ANO3: variants seen among roughly 807,000 people sequenced by gnomAD.
ANO3 encodes anoctamin-3.
A neutral mutation model predicts 144.8 loss-of-function variants in ANO3; 99 were observed. The observed-to-expected ratio is 0.68, with a 90% CI of 0.58 to 0.81. The LOEUF (loss-of-function observed/expected upper bound fraction) is 0.81, where lower values mean the gene tolerates loss of function less well. Ranked by LOEUF, ANO3 falls within the 30% of genes least tolerant of loss-of-function variation. The probability of loss-of-function intolerance (pLI) is 0.00; values close to 1 mark genes in which losing one functional copy is unlikely to be tolerated. For synonymous variants in ANO3, 414 were observed against 392.6 expected (o/e 1.05, Z -0.64); for missense variants, 905 against 1,202.2 (o/e 0.75, Z 3.66).
chr11:26,572,369 G>C, intron 14 of ANO3: 1 of 426,196 alleles, frequency 2.3e-6, no homozygotes, highest in Non-Finnish European at 3.1e-6. Flanking sequence ...ACTCTCGTCA[G>C]TGGTAGCAAA....
At chr11:26,219,605 A>T (rs1355284032) in intron 1 of ANO3, among the ~76,000 whole-genome samples, 2 of 152,202 alleles carry the variant, frequency 1.3e-5, no homozygotes, top group Non-Finnish European at 2.9e-5. Flanking sequence ...ACCTCATCAA[A>T]GGCACCTAAC....
intron 1 of ANO3, among the ~76,000 whole-genome samples, chr11:26,229,021 T>C (rs1285291981): frequency 6.6e-6 from 1 of 152,228 alleles, no homozygotes; most frequent in Non-Finnish European, 1.5e-5. Context: ...TTCTAAGTAA[T>C]CTGAGCCTAC....
chr11:26,363,023 T>G (rs1855968851), intron 1 of ANO3, among the ~76,000 whole-genome samples: 1 of 152,200 alleles, frequency 6.6e-6, no homozygotes, highest in Non-Finnish European at 1.5e-5. Context: ...TGATGAGATC[T>G]GTTAAATGCA....
At chr11:26,568,248 G>A (rs1412097750) in intron 14 of ANO3, among the ~76,000 whole-genome samples, 1 of 151,952 alleles carries the variant, frequency 6.6e-6, no homozygotes, top group East Asian at 1.9e-4. Flanking sequence ...TAAACAAATG[G>A]TGAAGAAGGG....
At chr11:26,441,533 T>A (rs1327408622) in intron 1 of ANO3, among the ~76,000 whole-genome samples, 1 of 152,172 alleles carries the variant, frequency 6.6e-6, no homozygotes, top group Non-Finnish European at 1.5e-5. Context: ...CCCCATTTAG[T>A]AATTTCAATG....
intron 17 of ANO3, among the ~76,000 whole-genome samples, chr11:26,606,887 GT>G (rs1851951732): frequency 6.6e-6 from 1 of 152,138 alleles, no homozygotes. Context: ...ATTTTGGTGT[GT>G]TTTTGCAGTG....
chr11:26,264,097 G>T (rs1040219646), intron 1 of ANO3, among the ~76,000 whole-genome samples: 2 of 152,162 alleles, frequency 1.3e-5, no homozygotes, highest in Non-Finnish European at 2.9e-5. Flanking sequence ...ACCCAAGGAG[G>T]GGTAGGGCCC....
intron 1 of ANO3, among the ~76,000 whole-genome samples, chr11:26,414,022 C>T (rs955940069): frequency 1.3e-5 from 2 of 152,006 alleles, no homozygotes; most frequent in Admixed American, 6.6e-5. Flanking sequence ...GAATTGGAAT[C>T]GCCCATAACT....
chr11:26,223,816 G>A (rs1026780835), intron 1 of ANO3, among the ~76,000 whole-genome samples: 7 of 151,922 alleles, frequency 4.6e-5, no homozygotes, highest in Middle Eastern at 6.8e-3. Context: ...GTGGAGAGGC[G>A]CCACATTCTT....
intron 1 of ANO3, among the ~76,000 whole-genome samples, chr11:26,400,664 T>C (rs1283663413): frequency 6.6e-6 from 1 of 151,862 alleles, no homozygotes; most frequent in African/African-American, 2.4e-5. Context: ...GTGTGCTAAG[T>C]GTTGAAGATA....
chr11:26,418,716 A>G (rs533674125), intron 1 of ANO3, among the ~76,000 whole-genome samples: 3 of 151,388 alleles, frequency 2.0e-5, no homozygotes, highest in Admixed American at 6.6e-5. Flanking sequence ...GCGCGCGCGC[A>G]CACACACACA....
At chr11:26,190,675 T>G (rs1284779523) in intron 1 of ANO3, among the ~76,000 whole-genome samples, 1 of 152,212 alleles carries the variant, frequency 6.6e-6, no homozygotes, top group Non-Finnish European at 1.5e-5. Flanking sequence ...TGCCGTTAGA[T>G]TCAACTATTG....
intron 4 of ANO3, among the ~76,000 whole-genome samples, chr11:26,465,291 G>GATAA (rs1353567172): frequency 6.6e-6 from 1 of 151,290 alleles, no homozygotes; most frequent in African/African-American, 2.4e-5. Context: ...TAGATAGATA[G>GATAA]ATAGATAGAT....
intron 1 of ANO3, among the ~76,000 whole-genome samples, chr11:26,215,898 T>C (rs1467109824): frequency 2.6e-5 from 4 of 152,034 alleles, no homozygotes; most frequent in Non-Finnish European, 5.9e-5. Flanking sequence ...TCAGTTTTAA[T>C]ACACATGTGT....
At chr11:26,438,611 A>AAAAAAAAAAG (rs1858389313) in intron 1 of ANO3, among the ~76,000 whole-genome samples, 6 of 35,514 alleles carry the variant, frequency 1.7e-4, no homozygotes, top group Non-Finnish European at 3.5e-4. Context: ...AAAAAAAAGA[A>AAAAAAAAAAG]AAAAAAAAAA....
chr11:26,554,991 C>T (rs1393189311), intron 13 of ANO3, among the ~76,000 whole-genome samples: 1 of 152,108 alleles, frequency 6.6e-6, no homozygotes, highest in Non-Finnish European at 1.5e-5. Context: ...GGTCTCCATA[C>T]AATTAATTTT....
intron 1 of ANO3, among the ~76,000 whole-genome samples, chr11:26,401,780 G>A (rs564165150): frequency 6.6e-6 from 1 of 152,154 alleles, no homozygotes; most frequent in South Asian, 2.1e-4. Flanking sequence ...AGGTGGCTGA[G>A]TCAGGAGACT....
intron 1 of ANO3, among the ~76,000 whole-genome samples, chr11:26,232,912 C>A (rs999459564): frequency 2.0e-5 from 3 of 152,088 alleles, no homozygotes; most frequent in Non-Finnish European, 4.4e-5. Context: ...CCATAATCTA[C>A]AAGGAACTTA....
At chr11:26,339,651 A>G (rs1329846294) in intron 1 of ANO3, among the ~76,000 whole-genome samples, 1 of 152,104 alleles carries the variant, frequency 6.6e-6, no homozygotes, top group Non-Finnish European at 1.5e-5. Flanking sequence ...GATTTTTATT[A>G]TTTCTGAACT....
Sources: allele counts gnomAD v4.1 joint callset (sites outside exome capture counted in the v4.1 genomes callset), GRCh38; gene constraint gnomAD v4.1.1; transcripts MANE v1.5; gene names NCBI Gene and HGNC (gene_info 2026-07-23, HGNC 2026-07-21).